Variants in KDSR observed in about 807,000 individuals in gnomAD.
The protein encoded by KDSR is 3-dehydrosphinganine reductase.
In KDSR, 23 loss-of-function variants were observed where a neutral mutation model predicts 41.3. The ratio of observed to expected loss-of-function variants is 0.56; its 90% CI spans 0.40 to 0.79. KDSR has a LOEUF of 0.79. KDSR is among the 30% of genes least tolerant of loss of function. KDSR has a pLI of 0.00. For synonymous variants in KDSR, 138 were observed against 151.7 expected (o/e 0.91, Z 0.66); for missense variants, 351 against 416.8 (o/e 0.84, Z 1.37).
Position 63,330,402 on chromosome 18 carries a change from A to T in KDSR, c.*1380T>A, listed in dbSNP as rs1042796198. ...GAGTGTGAACAATGAGCAGGATGCA[A>T]CGGGGAATGTTGGCTAAAACTCATC... is the stretch of plus-strand genomic sequence containing the variant. On this transcript the variant is annotated 3_prime_UTR_variant, in exon 10 of 10. Coordinates refer to ENST00000645214, the MANE Select transcript of KDSR (RefSeq NM_002035.4). 2.6e-5 allele frequency: 6 copies of T among 228,652 alleles called. No individual in the cohort carries two copies. Among genetic ancestry groups the T allele is most frequent in the African/African-American group, 1.3e-4 (6 of 45,110 alleles). The allele number at this position is 228,652 out of a possible 1,614,324, so 14.2% of individuals were successfully genotyped here.
intron 7 of KDSR, among the ~76,000 whole-genome samples, chr18:63,340,227 C>A (rs1422959578): frequency 2.0e-5 from 3 of 152,234 alleles, no homozygotes; most frequent in Non-Finnish European, 4.4e-5. Flanking sequence ...TGGCTTCAAA[C>A]TAAAAGACTG....
At chr18:63,358,290 T>G (rs1914861917) in intron 3 of KDSR, among the ~76,000 whole-genome samples, 1 of 152,170 alleles carries the variant, frequency 6.6e-6, no homozygotes, top group African/African-American at 2.4e-5. Flanking sequence ...AGTGACTGCC[T>G]AGCTGAGAAG....
intron 5 of KDSR, among the ~76,000 whole-genome samples, chr18:63,354,191 TC>T (rs1352459687): frequency 1.3e-5 from 2 of 151,860 alleles, no homozygotes; most frequent in Non-Finnish European, 1.5e-5. Flanking sequence ...ACCAACACAC[TC>T]CCCAGCTTCA....
In KDSR at chr18:63,331,326, C is replaced by CAG. The variant is rs138869280; in HGVS notation, c.*454_*455dup. The CAG allele has an allele frequency of 3.3e-4, 31 of 92,656 alleles. No individual in the cohort carries two copies. Among genetic ancestry groups the CAG allele is most frequent in the Middle Eastern group, 3.5e-3 (1 of 284 alleles). The allele number at this position is 92,656 out of a possible 1,614,324, so 5.7% of individuals were successfully genotyped here. On this transcript the variant is annotated 3_prime_UTR_variant, in exon 10 of 10. Transcript: ENST00000645214. The stretch of plus-strand genomic sequence containing the variant: ...ACAGAGAGACAGAGAGACAGAGAGA[C>CAG]AGAGAGAGAGAGAGAGAGAACCCGA...
intron 7 of KDSR, among the ~76,000 whole-genome samples, chr18:63,340,914 C>T (rs1914324438): frequency 6.6e-6 from 1 of 152,202 alleles, no homozygotes; most frequent in African/African-American, 2.4e-5. Context: ...TTGCCTCCCA[C>T]AACACAGACA....
intron 5 of KDSR, among the ~76,000 whole-genome samples, chr18:63,352,229 A>G (rs1328633368): frequency 6.6e-6 from 1 of 152,242 alleles, no homozygotes; most frequent in Non-Finnish European, 1.5e-5. Flanking sequence ...GAGATCAATC[A>G]TAATTTTTTT....
At chr18:63,343,419 C>T (rs34788965) in intron 7 of KDSR, among the ~76,000 whole-genome samples, 5,563 of 146,682 alleles carry the variant, frequency 0.038, 291 homozygotes, top group East Asian at 0.27. Flanking sequence ...TATTGGTTCT[C>T]GCTCTGTCAC....
intron 3 of KDSR, among the ~76,000 whole-genome samples, chr18:63,358,666 T>G (rs1914870558): frequency 6.6e-6 from 1 of 151,278 alleles, no homozygotes. Flanking sequence ...ACAAAAAAAA[T>G]TAGCCGGGTG....
chr18:63,346,942 C>G (rs1022242277), intron 6 of KDSR, among the ~76,000 whole-genome samples: 2 of 152,034 alleles, frequency 1.3e-5, no homozygotes, highest in African/African-American at 2.4e-5. Context: ...ATCTCATAAC[C>G]CTGTCATAAA....
intron 7 of KDSR, among the ~76,000 whole-genome samples, chr18:63,343,391 A>ATTTT (rs1313755437): frequency 7.1e-6 from 1 of 141,516 alleles, no homozygotes; most frequent in Non-Finnish European, 1.5e-5. Context: ...TTTAATTTTA[A>ATTTT]TTTTTTTTTT....
rs1461146286 is a variant in KDSR, at chr18:63,330,490, A to C, written c.*1292T>G. The C allele has an allele frequency of 3.5e-5, 8 of 231,090 alleles. No individual in the cohort carries two copies. The East Asian group carries it at 4.9e-4, about 14-fold the overall frequency. 14.3% of individuals were successfully genotyped at this position (231,090 alleles called of 1,614,324 possible). A position where few individuals can be genotyped will look rare whatever the true frequency, so the allele number is the denominator to read the frequency against. The stretch of plus-strand genomic sequence containing the variant: ...ATCCTATAACCTGGAAACAACATTC[A>C]GGGGCCAAGAGGGTTTCCAGGGCTA... On this transcript the variant is annotated 3_prime_UTR_variant, in exon 10 of 10. Transcript: ENST00000645214.
intron 2 of KDSR, among the ~76,000 whole-genome samples, chr18:63,362,292 C>T (rs1208799669): frequency 1.3e-5 from 2 of 152,244 alleles, no homozygotes; most frequent in African/African-American, 4.8e-5. Flanking sequence ...CAGAAAAACA[C>T]ATTTTGCTAA....
rs1162340411 is a variant in KDSR at position 63,328,947 on chromosome 18, G to A, written c.*2835C>T. On this transcript the variant is annotated 3_prime_UTR_variant, in exon 10 of 10. Transcript: ENST00000645214. ...CATTTAAACTGAATGATAATTAAAC[G>A]TTTACTACCATAGGTAATATTTACG... The A allele has an allele frequency of 4.2e-5, 8 of 192,300 alleles. No individual in the cohort carries two copies. The highest frequency in any genetic ancestry group is 1.1e-5 in the Non-Finnish European group (1 of 92,224). The allele number at this position is 192,300 out of a possible 1,614,324, so 11.9% of individuals were successfully genotyped here.
At chr18:63,359,664 A>T in intron 3 of KDSR, 72 bp downstream of exon 3, 1 of 962,878 alleles carries the variant, frequency 1.0e-6, no homozygotes, top group South Asian at 1.3e-5. Context: ...TCACAGGTGA[A>T]GTAACTCTGT....
chr18:63,361,684 G>A (rs1599340153), intron 2 of KDSR, among the ~76,000 whole-genome samples: 1 of 152,000 alleles, frequency 6.6e-6, no homozygotes, highest in South Asian at 2.1e-4. Flanking sequence ...GCGTGGTGGT[G>A]GGCGCCTGTA....
intron 6 of KDSR, among the ~76,000 whole-genome samples, chr18:63,348,554 T>C (rs1914580287): frequency 6.6e-6 from 1 of 152,156 alleles, no homozygotes; most frequent in Non-Finnish European, 1.5e-5. Context: ...CATTTTATTT[T>C]CTTTTTTTTA....
rs1366599510 is a variant in KDSR, at chr18:63,348,184, T to C, written c.609+2704A>G. Among the ~76,000 whole-genome samples the C allele has an allele frequency of 4.6e-5, 7 of 151,804 alleles. No individual in the cohort carries two copies. In the South Asian group the frequency reaches 6.2e-4, roughly 14 times the overall value. On this transcript the variant is annotated intron_variant, in intron 6 of 9. Coordinates refer to ENST00000645214, the MANE Select transcript of KDSR (RefSeq NM_002035.4). Reference sequence around the variant, plus strand: ...AACGGTGAGGCATGGTAGTACACACTTGTAGTCCCAGCTACTTGGGAGGCT... The same window carrying C: ...AACGGTGAGGCATGGTAGTACACACCTGTAGTCCCAGCTACTTGGGAGGCT...
In KDSR at chr18:63,359,789, T is replaced by C. The variant is rs1187980551; in HGVS notation, c.202A>G (p.Lys68Glu). The C allele has an allele frequency of 6.2e-7, 1 of 1,605,536 alleles. No homozygotes were observed. Among genetic ancestry groups the C allele is most frequent in the Admixed American group, 1.7e-5 (1 of 60,014 alleles). The change falls in exon 3 of 10, where the codon AAG (lysine) becomes GAG (glutamate). Residue 68 changes from lysine (K) to glutamate (E), a missense_variant. Lys to Glu is a moderately conservative substitution (Grantham distance 56). Transcript: ENST00000645214. ...FITLVARNED[K>E]LLQAKKEIEM... ...ATTTCTTTCTTTGCCTGCAGCAGCT[T>C]ATCCTGAAAGCAATACAGAATAATT...
intron 5 of KDSR, among the ~76,000 whole-genome samples, chr18:63,354,360 A>G (rs374236936): frequency 2.9e-4 from 44 of 152,238 alleles, no homozygotes; most frequent in African/African-American, 8.9e-4. Context: ...CAACTAAAAA[A>G]CGTTTTCCAT....
Sources: gnomAD v4.1 joint callset for allele counts (sites outside exome capture counted in the v4.1 genomes callset) on GRCh38, gnomAD v4.1.1 for gene constraint, MANE v1.5 for transcripts, NCBI Gene and HGNC (gene_info 2026-07-23, HGNC 2026-07-21) for gene names.